USP20: variants seen among roughly 807,000 people sequenced by gnomAD.
USP20 encodes ubiquitin specific peptidase 20.
Under a neutral mutation model 124.2 loss-of-function variants are expected in USP20, and 80 were observed. The ratio of observed to expected loss-of-function variants is 0.64; its 90% CI spans 0.54 to 0.78. The LOEUF (loss-of-function observed/expected upper bound fraction) is 0.78, where lower values mean the gene tolerates loss of function less well. USP20 is among the 30% of genes least tolerant of loss of function. USP20 has a pLI of 0.00. For missense variants in USP20, 1,043 were observed against 1,244.4 expected (o/e 0.84, Z 2.44); for synonymous variants, 481 against 512.3 (o/e 0.94, Z 0.83).
intron 4 of USP20, 53 bp downstream of exon 4, chr9:129,856,413 A>C: frequency 6.3e-7 from 1 of 1,587,796 alleles, no homozygotes; most frequent in Non-Finnish European, 8.7e-7. Context: ...ACCTGTTATC[A>C]GCACTGCACA....
Position 129,870,483 on chromosome 9 carries a change from T to C in USP20, c.1596T>C (p.Phe532=). 6.2e-7 allele frequency: 1 copy of C among 1,614,104 alleles called. No individual in the cohort carries two copies. The highest frequency in any genetic ancestry group is 8.5e-7 in the Non-Finnish European group (1 of 1,180,010). Residue 532 remains phenylalanine (F), a synonymous_variant, in exon 15 of 26, where the codon TTT becomes TTC. Transcript: ENST00000372429. ...RFVVSCTPSW[F]WGPVVTLEDC... ...TGGTATCCTGTACCCCCAGCTGGTT[T>C]TGGGGGCCTGTCGTCACCCTGGAAG...
At chr9:129,856,466 C>T in intron 4 of USP20, 106 bp downstream of exon 4, 3 of 1,337,960 alleles carry the variant, frequency 2.2e-6, no homozygotes, top group Non-Finnish European at 3.2e-6. Flanking sequence ...AACTTCCATC[C>T]CTAGTGGGCA....
rs375462812 is a variant in USP20, at chr9:129,861,619, C to G, written c.497+7C>G. The stretch of plus-strand genomic sequence containing the variant: ...TGCAGGCCCTGTCCAATTGGTAGGT[C>G]GACACTTTGTCCGAGGGCCGAGAGC... On this transcript the variant is annotated splice_region_variant and intron_variant, in intron 8 of 25. Transcript: ENST00000372429. The G allele has an allele frequency of 4.3e-6, 7 of 1,613,784 alleles. No homozygotes were observed. The highest frequency in any genetic ancestry group is 5.1e-6 in the Non-Finnish European group (6 of 1,179,886).
intron 2 of USP20, among the ~76,000 whole-genome samples, chr9:129,851,052 T>A (rs1294630963): frequency 6.6e-6 from 1 of 152,216 alleles, no homozygotes; most frequent in Admixed American, 6.5e-5. Flanking sequence ...TTGGACCTTA[T>A]TTGGCAACAG....
At chr9:129,857,920 A>C in intron 4 of USP20, 130 bp from the exon 5 acceptor site, 1 of 783,476 alleles carries the variant, frequency 1.3e-6, no homozygotes, top group Non-Finnish European at 2.2e-6. Flanking sequence ...TTGAGATGGC[A>C]GAGCCTCAGT....
At chr9:129,864,227 G>C (rs2033707722) in intron 9 of USP20, among the ~76,000 whole-genome samples, 1 of 152,136 alleles carries the variant, frequency 6.6e-6, no homozygotes, top group South Asian at 2.1e-4. Context: ...CCAGCACTTT[G>C]GGAGGCCGAG....
At position 129,843,892 on chromosome 9, in the gene USP20, T is replaced by C. The variant is rs890340835; in HGVS notation, c.-128-5921T>C. On this transcript the variant is annotated intron_variant, in intron 1 of 25. Coordinates refer to ENST00000372429, the MANE Select transcript of USP20 (RefSeq NM_001110303.4). ...CAATCTGGGCATCATGGCAAAACTC[T>C]GTCTCTATAAAAGAAAAATTAAAAA... Among the ~76,000 whole-genome samples, 36 of 152,090 alleles carry C rather than the reference T, an allele frequency of 2.4e-4. 1 individual carries two copies. Among genetic ancestry groups the C allele is most frequent in the African/African-American group, 8.7e-4 (36 of 41,374 alleles).
chr9:129,843,674 T>C (rs1008694575), intron 1 of USP20, among the ~76,000 whole-genome samples: 1 of 151,056 alleles, frequency 6.6e-6, no homozygotes, highest in African/African-American at 2.4e-5. Context: ...GAGGTGGAGG[T>C]TGCAGTGAGC....
chr9:129,880,050 C>T (rs2034573619), intron 24 of USP20, 63 bp from the exon 25 acceptor site: 4 of 1,583,530 alleles, frequency 2.5e-6, no homozygotes, highest in Admixed American at 1.7e-5. Context: ...CCCCCACTGC[C>T]CAGGCCGGTG....
intron 2 of USP20, among the ~76,000 whole-genome samples, chr9:129,851,203 C>G (rs1410966264): frequency 2.6e-5 from 4 of 151,682 alleles, no homozygotes; most frequent in Non-Finnish European, 5.9e-5. Flanking sequence ...AAAAATGTAC[C>G]CTAAGGTCCT....
chr9:129,876,223 C>G lies in USP20; in HGVS notation c.2394C>G (p.Ile798Met), dbSNP rs748458000. ...TGGCCAAGCGCAGGAGGATCGAGATCGACACCTTCATCAAGGTGCGTGCGG... is the reference window on the plus strand; with the variant it reads ...TGGCCAAGCGCAGGAGGATCGAGATGGACACCTTCATCAAGGTGCGTGCGG... ...EALAKRRRIEIDTFIKLNKAF... is the reference protein window; with the variant it reads ...EALAKRRRIEMDTFIKLNKAF... The change falls in exon 22 of 26, where the codon ATC becomes ATG. Residue 798 changes from isoleucine to methionine, a missense_variant. Ile to Met is a conservative substitution (Grantham distance 10). Coordinates refer to ENST00000372429, the MANE Select transcript of USP20 (RefSeq NM_001110303.4). 2.5e-6 allele frequency: 4 copies of G among 1,612,456 alleles called. No individual in the cohort carries two copies. In the South Asian group the frequency reaches 3.3e-5, roughly 13 times the overall value.
intron 5 of USP20, 76 bp downstream of exon 5, chr9:129,858,188 T>A: frequency 8.2e-6 from 12 of 1,465,620 alleles, no homozygotes; most frequent in Non-Finnish European, 1.1e-5. Context: ...ACCTTCCCAC[T>A]CTGGGCCTAA....
At chr9:129,836,253 A>G (rs916660162) in intron 1 of USP20, among the ~76,000 whole-genome samples, 1 of 152,210 alleles carries the variant, frequency 6.6e-6, no homozygotes, top group Non-Finnish European at 1.5e-5. Flanking sequence ...TCCTTTTCTC[A>G]GTGTCATCCC....
chr9:129,879,470 C>A lies in USP20; in HGVS notation c.2513-103C>A. On this transcript the variant is annotated intron_variant, in intron 23 of 25. Transcript: ENST00000372429. This position sits in a 1 kb window ranked among gnomAD's most constrained non-coding sequence, Gnocchi z 4.2. ...CGCCTCATCCATTAGAGACTTCACG[C>A]TGACCCCCAGGCCTGGGGCGGCCCC... is the stretch of plus-strand genomic sequence containing the variant. The A allele has an allele frequency of 8.3e-7, 1 of 1,204,856 alleles. No homozygotes were observed. The allele number at this position is 1,204,856 out of a possible 1,614,324, so 74.6% of individuals were successfully genotyped here.
chr9:129,861,120 A>G (rs2033525708), intron 7 of USP20, 87 bp downstream of exon 7: 2 of 1,224,352 alleles, frequency 1.6e-6, no homozygotes, highest in African/African-American at 1.5e-5. Context: ...CTTGGTCTCT[A>G]TTTGCACCTG....
intron 3 of USP20, among the ~76,000 whole-genome samples, chr9:129,855,522 T>C (rs2033168435): frequency 1.3e-5 from 2 of 152,062 alleles, no homozygotes; most frequent in South Asian, 2.1e-4. Flanking sequence ...TCTCAACATG[T>C]GGCTTTCATC....
intron 17 of USP20, among the ~76,000 whole-genome samples, chr9:129,874,225 C>T (rs2034273436): frequency 6.6e-6 from 1 of 152,174 alleles, no homozygotes; most frequent in South Asian, 2.1e-4. Flanking sequence ...CTTGTCCGCA[C>T]CAAGGAAGGC....
At chr9:129,847,692 A>T (rs369054153) in intron 1 of USP20, among the ~76,000 whole-genome samples, 6 of 152,266 alleles carry the variant, frequency 3.9e-5, no homozygotes, top group South Asian at 4.1e-4. Context: ...AGTGCACACG[A>T]TTTGACAGGT....
At chr9:129,849,462 T>A (rs1281802293) in intron 1 of USP20, among the ~76,000 whole-genome samples, 1 of 152,126 alleles carries the variant, frequency 6.6e-6, no homozygotes, top group Non-Finnish European at 1.5e-5. Context: ...AGAGTGATTT[T>A]AAAATAACGG....
Sources: gnomAD v4.1 joint callset for allele counts (sites outside exome capture counted in the v4.1 genomes callset) on GRCh38, gnomAD v4.1.1 for gene constraint, Gnocchi (gnomAD v3.1) non-coding constraint, MANE v1.5 for transcripts, NCBI Gene and HGNC (gene_info 2026-07-23, HGNC 2026-07-21) for gene names.